NCAM1: variants seen among roughly 807,000 people sequenced by gnomAD.
NCAM1 encodes neural cell adhesion molecule 1, also known as antigen recognized by monoclonal antibody 5.1H11.
Under a neutral mutation model 109.8 loss-of-function variants are expected in NCAM1, and 14 were observed. The observed-to-expected ratio is 0.13, with a 90% CI of 0.08 to 0.20. The LOEUF is 0.20. NCAM1 is among the 10% of genes least tolerant of loss of function. NCAM1 has a pLI of 1.00. For synonymous variants in NCAM1, 418 were observed against 442.9 expected (o/e 0.94, Z 0.70); for missense variants, 774 against 1,109.9 (o/e 0.70, Z 4.30).
At position 113,080,568 on chromosome 11, in the gene NCAM1, T is replaced by TG. The variant is rs537994716; in HGVS notation, c.52+118907dup. On this transcript the variant is annotated intron_variant, in intron 1 of 19. Coordinates refer to ENST00000316851, the MANE Select transcript of NCAM1 (RefSeq NM_181351.5). The stretch of plus-strand genomic sequence containing the variant: ...GTATAAGAGCAAGCATCTGCCCAGT[T>TG]GGGCATCTAATTGGTGATCAAGGAG... 2.9e-3 allele frequency among the ~76,000 whole-genome samples: 435 copies of TG among 152,286 alleles called. 2 individuals carry two copies. The highest frequency in any genetic ancestry group is 9.9e-3 in the African/African-American group (410 of 41,560).
chr11:113,259,318 T>A (rs1353582338), intron 16 of NCAM1, among the ~76,000 whole-genome samples: 1 of 152,156 alleles, frequency 6.6e-6, no homozygotes, highest in Non-Finnish European at 1.5e-5. Context: ...CCCAAAGTGC[T>A]GGGATTACAG....
In NCAM1 at chr11:113,260,286, T is replaced by G. The variant is rs200953789; in HGVS notation, c.2094T>G (p.Phe698Leu). ...NQQGKSKAAHFVFRTSAQPTA... is the reference protein window; with the variant it reads ...NQQGKSKAAHLVFRTSAQPTA... The stretch of plus-strand genomic sequence containing the variant: ...AAGGAAAATCCAAGGCGGCTCATTT[T>G]GTGTTCAGGACCTCGGCCCAGCCCA... Residue 698 changes from phenylalanine to leucine, a missense_variant, in exon 17 of 20, where the codon TTT becomes TTG. By Grantham distance (22) the Phe-to-Leu change is conservative. Transcript: ENST00000316851. 1.5e-4 allele frequency: 240 copies of G among 1,613,832 alleles called. No individual in the cohort carries two copies. Among genetic ancestry groups the G allele is most frequent in the Non-Finnish European group, 1.9e-4 (223 of 1,179,868 alleles).
At chr11:112,995,891 T>C (rs2134897024) in intron 1 of NCAM1, among the ~76,000 whole-genome samples, 1 of 152,318 alleles carries the variant, frequency 6.6e-6, no homozygotes. Flanking sequence ...CAATCAACTC[T>C]GCCTGACTGG....
intron 1 of NCAM1, among the ~76,000 whole-genome samples, chr11:113,120,764 C>A (rs562455167): frequency 1.3e-5 from 2 of 152,258 alleles, no homozygotes; most frequent in African/African-American, 2.4e-5. Context: ...AGGAATCATA[C>A]AAAATACGAA....
intron 14 of NCAM1, chr11:113,242,759 T>A: frequency 1.3e-6 from 2 of 1,549,238 alleles, no homozygotes; most frequent in Non-Finnish European, 1.8e-6. Flanking sequence ...ATCTCCATTC[T>A]CTCCTTCACC....
In NCAM1 at chr11:113,255,978, C is replaced by T. The variant is rs1465674867; in HGVS notation, c.1930C>T (p.His644Tyr). 1.9e-6 allele frequency: 3 copies of T among 1,603,958 alleles called. No homozygotes were observed. Among genetic ancestry groups the T allele is most frequent in the South Asian group, 1.1e-5 (1 of 89,030 alleles). ...GGATGACGGCGGCTCCCCCATCAGA[C>T]ACTATCTGGTCAGGTACCGAGCGGT... is the stretch of plus-strand genomic sequence containing the variant. ...KQDDGGSPIR[H>Y]YLVRYRALSS... The change falls in exon 16 of 20, where the codon CAC (histidine) becomes TAC (tyrosine). Residue 644 changes from histidine to tyrosine, a missense_variant. Transcript: ENST00000316851.
At chr11:113,141,427 C>T (rs1429342317) in intron 1 of NCAM1, among the ~76,000 whole-genome samples, 11 of 152,070 alleles carry the variant, frequency 7.2e-5, no homozygotes. Flanking sequence ...GTCAGGAGAT[C>T]GAGACCATCC....
At chr11:113,030,636 G>T (rs984350939) in intron 1 of NCAM1, among the ~76,000 whole-genome samples, 4 of 152,148 alleles carry the variant, frequency 2.6e-5, no homozygotes, top group Non-Finnish European at 2.9e-5. Context: ...AACATCAGTT[G>T]TACATTAGAC....
chr11:113,130,084 A>ACAGGCTTT (rs1418004091), intron 1 of NCAM1, among the ~76,000 whole-genome samples: 1 of 152,182 alleles, frequency 6.6e-6, no homozygotes, highest in Admixed American at 6.5e-5. Flanking sequence ...CACATAGAAG[A>ACAGGCTTT]CAGGCTTTGC....
At chr11:113,100,258 G>A (rs1297066520) in intron 1 of NCAM1, among the ~76,000 whole-genome samples, 1 of 152,186 alleles carries the variant, frequency 6.6e-6, no homozygotes, top group Non-Finnish European at 1.5e-5. Context: ...CCTTGTGGAA[G>A]GGGAGCACAC....
At chr11:112,971,268 C>G (rs1950874291) in intron 1 of NCAM1, among the ~76,000 whole-genome samples, 1 of 152,000 alleles carries the variant, frequency 6.6e-6, no homozygotes, top group Non-Finnish European at 1.5e-5. Flanking sequence ...CTCTCTCTCT[C>G]TCTGTGTAAT....
intron 1 of NCAM1, among the ~76,000 whole-genome samples, chr11:113,127,971 G>T (rs1002935234): frequency 2.0e-5 from 3 of 152,192 alleles, no homozygotes; most frequent in Non-Finnish European, 4.4e-5. Context: ...ATGGGGCGTG[G>T]CTGAGTAATC....
chr11:113,165,811 C>T (rs1169157040), intron 1 of NCAM1, among the ~76,000 whole-genome samples: 4 of 114,848 alleles, frequency 3.5e-5, no homozygotes, highest in East Asian at 2.6e-4. Flanking sequence ...ATAGCAAAAC[C>T]GACTGATTTT....
chr11:113,260,409 C>A, intron 17 of NCAM1, 86 bp downstream of exon 17: 1 of 1,413,406 alleles, frequency 7.1e-7, no homozygotes, highest in Non-Finnish European at 9.6e-7. Context: ...ACAACCCTGA[C>A]AACTTGCTTG....
chr11:113,206,261 G>A (rs1195193178), intron 5 of NCAM1, 81 bp downstream of exon 5: 6 of 1,427,174 alleles, frequency 4.2e-6, no homozygotes, highest in African/African-American at 2.9e-5. Context: ...CTTCCTCTTG[G>A]GTCTGTAAAT....
chr11:113,075,166 A>G (rs1462491338), intron 1 of NCAM1, among the ~76,000 whole-genome samples: 2 of 152,064 alleles, frequency 1.3e-5, no homozygotes, highest in African/African-American at 2.4e-5. Flanking sequence ...TCTCTGGCTC[A>G]AGCAATCCTC....
At position 113,059,243 on chromosome 11, in the gene NCAM1, A is replaced by C. The variant is rs542032676; in HGVS notation, c.52+97579A>C. On this transcript the variant is annotated intron_variant, in intron 1 of 19. Transcript: ENST00000316851. ...TAGTGAGCTCAACCAAAATCTCTTT[A>C]AATCTTTTAAGGATCTAACACCCTT... Among the ~76,000 whole-genome samples, 8 of 152,326 alleles carry C rather than the reference A, an allele frequency of 5.3e-5. 1 individual carries two copies. The South Asian group carries it at 1.7e-3, about 32-fold the overall frequency.
intron 9 of NCAM1, among the ~76,000 whole-genome samples, chr11:113,225,088 A>T (rs1346058977): frequency 6.6e-6 from 1 of 152,254 alleles, no homozygotes; most frequent in Non-Finnish European, 1.5e-5. Context: ...ATGGAGAATG[A>T]CTTTGATGAG....
chr11:112,977,314 A>G (rs1167976880), intron 1 of NCAM1: 2 of 151,874 alleles, frequency 1.3e-5, no homozygotes, highest in Non-Finnish European at 2.9e-5. Flanking sequence ...TTATAAGCAT[A>G]TGTGTAAGTG....
Sources: allele counts gnomAD v4.1 joint callset (sites outside exome capture counted in the v4.1 genomes callset), GRCh38; gene constraint gnomAD v4.1.1; transcripts MANE v1.5; gene names NCBI Gene and HGNC (gene_info 2026-07-23, HGNC 2026-07-21).